The following CSNK2A2 variants were observed in gnomAD, a reference collection of about 807,000 sequenced individuals.
CSNK2A2 encodes casein kinase II subunit alpha'.
In CSNK2A2, 8 loss-of-function variants were observed where a neutral mutation model predicts 54.0. The ratio of observed to expected loss-of-function variants is 0.15; its 90% CI spans 0.09 to 0.27. The LOEUF is 0.27. CSNK2A2 is among the 10% of genes least tolerant of loss of function. The pLI, the probability that CSNK2A2 is intolerant of heterozygous loss-of-function variation, is 1.00. For synonymous variants in CSNK2A2, 141 were observed against 153.9 expected (o/e 0.92, Z 0.62); for missense variants, 242 against 439.4 (o/e 0.55, Z 4.02).
chr16:58,169,351 G>A (rs986981714), intron 5 of CSNK2A2, among the ~76,000 whole-genome samples: 3 of 151,970 alleles, frequency 2.0e-5, no homozygotes. Context: ...ACTAGCCTGG[G>A]CAACACGGCT....
chr16:58,176,586 T>C lies in CSNK2A2; in HGVS notation c.370-2076A>G, dbSNP rs185378286. Among the ~76,000 whole-genome samples the C allele has an allele frequency of 3.2e-4, 48 of 152,284 alleles. No homozygotes were observed. The East Asian group carries it at 8.5e-3, about 27-fold the overall frequency. On this transcript the variant is annotated intron_variant, in intron 4 of 11. Transcript: ENST00000262506. ...CCACAGTCTGGCTTCCTCCGACTTT[T>C]GTAGCTCTGTTCTTCACTGTACCCC...
chr16:58,167,609 T>C, intron 7 of CSNK2A2, 76 bp downstream of exon 7: 1 of 1,137,488 alleles, frequency 8.8e-7, no homozygotes, highest in Non-Finnish European at 1.3e-6. Context: ...GTATTCAAAC[T>C]GACTAGATCA....
intron 2 of CSNK2A2, among the ~76,000 whole-genome samples, chr16:58,190,949 C>G (rs1048989744): frequency 5.3e-5 from 8 of 152,162 alleles, no homozygotes; most frequent in African/African-American, 1.9e-4. Context: ...CAGCATTATT[C>G]ACAATAGCTA....
chr16:58,191,423 G>A (rs1962318915), intron 2 of CSNK2A2, among the ~76,000 whole-genome samples: 1 of 152,072 alleles, frequency 6.6e-6, no homozygotes, highest in South Asian at 2.1e-4. Context: ...GTGCAATGGT[G>A]CAATCTCGGC....
At chr16:58,162,300 A>G (rs1961406756) in intron 11 of CSNK2A2, 1 of 152,190 alleles carries the variant, frequency 6.6e-6, no homozygotes, top group South Asian at 2.1e-4. Flanking sequence ...CTTGCTTTTG[A>G]TTTTCAGGTA....
chr16:58,162,737 C>T (rs1373471608), intron 11 of CSNK2A2: 2 of 152,166 alleles, frequency 1.3e-5, no homozygotes, highest in Non-Finnish European at 2.9e-5. Flanking sequence ...GCCTACAAAC[C>T]ATGTTGCTCC....
chr16:58,191,725 A>T (rs1036256886), intron 2 of CSNK2A2, among the ~76,000 whole-genome samples: 6 of 152,256 alleles, frequency 3.9e-5, no homozygotes, highest in African/African-American at 1.2e-4. Context: ...GACCCTTTGA[A>T]TCTCATTAGG....
At chr16:58,185,925 G>T (rs1962182180) in intron 3 of CSNK2A2, among the ~76,000 whole-genome samples, 1 of 152,240 alleles carries the variant, frequency 6.6e-6, no homozygotes, top group Non-Finnish European at 1.5e-5. Flanking sequence ...AATGTGCCCA[G>T]CACATAGTAA....
chr16:58,166,625 A>G lies in CSNK2A2; in HGVS notation c.786T>C (p.Tyr262=), dbSNP rs1408683978. 6.2e-7 allele frequency: 1 copy of G among 1,611,634 alleles called. No homozygotes were observed. The highest frequency in any genetic ancestry group is 1.7e-5 in the Admixed American group (1 of 59,892). ...TGAAGTGTGGATCTAGGTCTATGTG[A>G]TACTTCTTCAGATACCCATACAGTT... ...TEELYGYLKK[Y]HIDLDPHFND... The change falls in exon 9 of 12, where the codon TAT becomes TAC. Residue 262 remains tyrosine (Y), a synonymous_variant. Coordinates refer to ENST00000262506, the MANE Select transcript of CSNK2A2 (RefSeq NM_001896.4).
chr16:58,171,981 T>TATATATATATA (rs1567466368), intron 5 of CSNK2A2, among the ~76,000 whole-genome samples: 21 of 54,250 alleles, frequency 3.9e-4, no homozygotes, highest in African/African-American at 1.8e-3. Flanking sequence ...ATATATATAT[T>TATATATATATA]TTTTTTTTTT....
At chr16:58,175,749 T>C (rs903834493) in intron 4 of CSNK2A2, among the ~76,000 whole-genome samples, 18 of 152,230 alleles carry the variant, frequency 1.2e-4, no homozygotes, top group African/African-American at 3.4e-4. Flanking sequence ...AGGTCTTTGC[T>C]TTCTCAAGTT....
chr16:58,185,680 T>C (rs906997703), intron 3 of CSNK2A2, among the ~76,000 whole-genome samples: 3 of 152,312 alleles, frequency 2.0e-5, no homozygotes, highest in African/African-American at 7.2e-5. Context: ...GGACAGGATA[T>C]CTTAAAGGCC....
At chr16:58,162,926 C>T (rs1056072549) in intron 11 of CSNK2A2, 1 of 152,206 alleles carries the variant, frequency 6.6e-6, no homozygotes, top group Non-Finnish European at 1.5e-5. Flanking sequence ...CCACACAACT[C>T]TAGTACCTGC....
intron 11 of CSNK2A2, chr16:58,160,720 TTCC>T (rs754790147): frequency 2.6e-5 from 4 of 152,256 alleles, no homozygotes; most frequent in Non-Finnish European, 5.9e-5. Context: ...AGAAGTTAAT[TTCC>T]TCCTCAAGAG....
intron 4 of CSNK2A2, among the ~76,000 whole-genome samples, chr16:58,177,101 T>C (rs773872733): frequency 6.6e-6 from 1 of 152,168 alleles, no homozygotes; most frequent in African/African-American, 2.4e-5. Flanking sequence ...TCCAACCACA[T>C]ATGAAGTCCT....
intron 2 of CSNK2A2, among the ~76,000 whole-genome samples, chr16:58,189,820 A>G (rs1176370982): frequency 6.6e-6 from 1 of 152,196 alleles, no homozygotes; most frequent in Non-Finnish European, 1.5e-5. Context: ...CAAACCATCA[A>G]AAACTAAGCT....
At chr16:58,171,979 A>ATATATTTTTTTTTT (rs1261137669) in intron 5 of CSNK2A2, among the ~76,000 whole-genome samples, 4 of 66,214 alleles carry the variant, frequency 6.0e-5, no homozygotes, top group Non-Finnish European at 9.9e-5. Context: ...ATATATATAT[A>ATATATTTTTTTTTT]TTTTTTTTTT....
chr16:58,158,527 C>G (rs1961218802), intron 11 of CSNK2A2, among the ~76,000 whole-genome samples, 174 bp from the exon 12 acceptor site: 1 of 152,212 alleles, frequency 6.6e-6, no homozygotes, highest in South Asian at 2.1e-4. Context: ...GTACCCTCTG[C>G]CTTCCTCTTC....
intron 2 of CSNK2A2, among the ~76,000 whole-genome samples, chr16:58,195,268 T>C (rs1962409257): frequency 6.6e-6 from 1 of 152,096 alleles, no homozygotes; most frequent in Admixed American, 6.5e-5. Flanking sequence ...CAACATCAGT[T>C]CCTCACTTCT....
Sources: gnomAD v4.1 joint callset for allele counts (sites outside exome capture counted in the v4.1 genomes callset) on GRCh38, gnomAD v4.1.1 for gene constraint, MANE v1.5 for transcripts, NCBI Gene and HGNC (gene_info 2026-07-23, HGNC 2026-07-21) for gene names.